Variants in PHACTR3 observed in about 807,000 individuals in gnomAD.
PHACTR3 encodes the protein protein phosphatase 1, regulatory subunit 123.
PHACTR3 carries 16 observed loss-of-function variants against 66.8 expected under a neutral mutation model. The observed-to-expected ratio is 0.24, with a 90% CI of 0.16 to 0.36. PHACTR3 has a LOEUF of 0.36. Ranked by LOEUF, PHACTR3 falls within the 10% of genes least tolerant of loss-of-function variation. The pLI is 1.00. For missense variants in PHACTR3, 647 were observed against 719.9 expected, an observed-to-expected ratio of 0.90 and a Z score of 1.16; for synonymous variants, 323 against 292.1, an observed-to-expected ratio of 1.11 and a Z score of -1.08.
At chr20:59,588,182 A>G (rs912616968) in intron 1 of PHACTR3, among the ~76,000 whole-genome samples, 3 of 152,170 alleles carry the variant, frequency 2.0e-5, no homozygotes, top group African/African-American at 7.2e-5. Context: ...CCTCTCACTT[A>G]AACAGCACAT....
intron 2 of PHACTR3, 63 bp downstream of exon 2, chr20:59,743,331 T>C (rs965447314): frequency 6.3e-7 from 1 of 1,578,498 alleles, no homozygotes. Context: ...GGCATGGTGC[T>C]GCGGCCCCTG....
At chr20:59,771,036 C>T (rs1310741992) in intron 5 of PHACTR3, among the ~76,000 whole-genome samples, 1 of 152,152 alleles carries the variant, frequency 6.6e-6, no homozygotes, top group African/African-American at 2.4e-5. Context: ...TGGTCCCCTG[C>T]ACAAGCTGGG....
intron 7 of PHACTR3, among the ~76,000 whole-genome samples, chr20:59,804,366 G>T (rs1193245380): frequency 6.6e-6 from 1 of 152,158 alleles, no homozygotes; most frequent in Non-Finnish European, 1.5e-5. Flanking sequence ...TGAGACATTT[G>T]CAATGGGCTT....
intron 1 of PHACTR3, among the ~76,000 whole-genome samples, chr20:59,584,118 A>G (rs1041398930): frequency 6.6e-6 from 1 of 152,210 alleles, no homozygotes; most frequent in Non-Finnish European, 1.5e-5. Flanking sequence ...CCGTGTGTGC[A>G]ACGGGGCAGC....
intron 3 of PHACTR3, among the ~76,000 whole-genome samples, chr20:59,749,756 CTTTA>C (rs2039511102): frequency 6.6e-6 from 1 of 152,216 alleles, no homozygotes; most frequent in South Asian, 2.1e-4. Flanking sequence ...CCCAAGAAAA[CTTTA>C]TTTATGGCCA....
chr20:59,592,086 C>T lies in PHACTR3; in HGVS notation c.109+14469C>T, dbSNP rs548332302. ...AACATTCCCATTCTGTGTATGCTCC[C>T]GCACACCTTGATATTTCTATTAACA... On this transcript the variant is annotated intron_variant, in intron 1 of 12. Transcript: ENST00000359926. 2.6e-4 allele frequency among the ~76,000 whole-genome samples: 39 copies of T among 152,184 alleles called. 1 individual carries two copies. In the Middle Eastern group the frequency reaches 0.01, roughly 40 times the overall value.
intron 1 of PHACTR3, among the ~76,000 whole-genome samples, chr20:59,684,418 G>A (rs922769856): frequency 1.3e-5 from 2 of 152,152 alleles, no homozygotes; most frequent in African/African-American, 4.8e-5. Flanking sequence ...GCCTGGAGGT[G>A]GCCTTGGTGC....
chr20:59,756,920 A>G (rs374250192), intron 4 of PHACTR3, among the ~76,000 whole-genome samples: 25 of 152,344 alleles, frequency 1.6e-4, no homozygotes, highest in African/African-American at 5.5e-4. Flanking sequence ...TGGAGTGAAC[A>G]GACAACCTAC....
At chr20:59,776,957 A>G (rs1472813242) in intron 7 of PHACTR3, among the ~76,000 whole-genome samples, 2 of 152,176 alleles carry the variant, frequency 1.3e-5, no homozygotes, top group Non-Finnish European at 2.9e-5. Context: ...TGGCTGTTGT[A>G]ACACCTTATC....
chr20:59,833,546 C>G (rs946468105), intron 8 of PHACTR3, among the ~76,000 whole-genome samples: 2 of 152,126 alleles, frequency 1.3e-5, no homozygotes, highest in African/African-American at 4.8e-5. Context: ...AAGGTTCCAA[C>G]AAAGGGCGGG....
chr20:59,619,925 C>T (rs550493808), intron 1 of PHACTR3, among the ~76,000 whole-genome samples: 17 of 152,252 alleles, frequency 1.1e-4, no homozygotes, highest in African/African-American at 3.9e-4. Flanking sequence ...ATGGCATTGT[C>T]CTGAGGCCGC....
At chr20:59,725,794 C>T (rs2146699480) in intron 1 of PHACTR3, among the ~76,000 whole-genome samples, 1 of 152,254 alleles carries the variant, frequency 6.6e-6, no homozygotes, top group East Asian at 1.9e-4. Flanking sequence ...ACATTCTTGC[C>T]ACCACCAGTC....
At chr20:59,662,660 G>A (rs1158635385) in intron 1 of PHACTR3, among the ~76,000 whole-genome samples, 1 of 152,094 alleles carries the variant, frequency 6.6e-6, no homozygotes, top group Non-Finnish European at 1.5e-5. Flanking sequence ...TGATTTGATT[G>A]CTTTTTTAAG....
rs887841573 is a variant in PHACTR3, at chr20:59,805,959, G to A, written c.1175-82G>A. ...GGAGTCCTTCCTCTGGCAGGTGGGC[G>A]GCTCCATTGACAAGCCAGCCCTCCG... On this transcript the variant is annotated intron_variant, in intron 7 of 12. Coordinates refer to ENST00000371015, the MANE Select transcript of PHACTR3 (RefSeq NM_080672.5). 76 of 1,447,236 alleles carry A rather than the reference G, an allele frequency of 5.3e-5. 1 individual carries two copies. Among genetic ancestry groups the A allele is most frequent in the Middle Eastern group, 2.0e-4 (1 of 5,086 alleles). 89.6% of individuals were successfully genotyped at this position (1,447,236 alleles called of 1,614,324 possible). A position where few individuals can be genotyped will look rare whatever the true frequency, so the allele number is the denominator to read the frequency against.
chr20:59,686,066 A>G (rs868692001), intron 1 of PHACTR3, among the ~76,000 whole-genome samples: 57 of 152,200 alleles, frequency 3.7e-4, no homozygotes, highest in Admixed American at 1.3e-4. Flanking sequence ...CCCCATACCT[A>G]ACTTTTCCAA....
chr20:59,632,504 C>T (rs1419924986), intron 1 of PHACTR3, among the ~76,000 whole-genome samples: 1 of 152,176 alleles, frequency 6.6e-6, no homozygotes, highest in East Asian at 1.9e-4. Flanking sequence ...GCCATTTTCC[C>T]CAACCCAGCT....
chr20:59,805,918 A>G, intron 7 of PHACTR3, 123 bp from the exon 8 acceptor site: 1 of 1,049,896 alleles, frequency 9.5e-7, no homozygotes, highest in African/African-American at 1.6e-5. Context: ...AGTTCTAGCC[A>G]CCATCACCCT....
chr20:59,660,785 A>C (rs1464543217), intron 1 of PHACTR3, among the ~76,000 whole-genome samples: 1 of 152,278 alleles, frequency 6.6e-6, no homozygotes, highest in Non-Finnish European at 1.5e-5. Flanking sequence ...GAGAGCCAGA[A>C]AGTGAGTTGT....
chr20:59,743,051 A>G (rs1290952796), intron 1 of PHACTR3, 56 bp from the exon 2 acceptor site: 1 of 1,573,880 alleles, frequency 6.4e-7, no homozygotes, highest in Admixed American at 1.8e-5. Context: ...TTGGGCCCCC[A>G]GGAGTCACAT....
Sources: allele counts gnomAD v4.1 joint callset (sites outside exome capture counted in the v4.1 genomes callset), GRCh38; gene constraint gnomAD v4.1.1; transcripts MANE v1.5; gene names NCBI Gene and HGNC (gene_info 2026-07-23, HGNC 2026-07-21).